The following SYTL5 variants were observed in gnomAD, a reference collection of about 807,000 sequenced individuals.
The protein encoded by SYTL5 is synaptotagmin like 5.
SYTL5 carries 34 observed loss-of-function variants against 55.9 expected under a neutral mutation model. That is an observed-to-expected ratio of 0.61 (90% CI 0.46 to 0.81). The LOEUF (loss-of-function observed/expected upper bound fraction) is 0.81. SYTL5 is among the 30% of genes least tolerant of loss of function. The pLI, the probability that SYTL5 is intolerant of heterozygous loss-of-function variation, is 0.00. For missense variants in SYTL5, 637 were observed against 546.7 expected, an observed-to-expected ratio of 1.17 and a Z score of -1.65; for synonymous variants, 221 against 188.7, an observed-to-expected ratio of 1.17 and a Z score of -1.40.
At chrX:38,079,574 A>T (rs1936475256) in intron 6 of SYTL5, among the ~76,000 whole-genome samples, 2 of 112,526 alleles carry the variant, frequency 1.8e-5, no homozygotes, top group Admixed American at 1.9e-4. Flanking sequence ...GATTTACAAG[A>T]TCTCTAACTT....
the SYTL5 span, among the ~76,000 whole-genome samples, chrX:37,918,933 G>A: frequency 2.0e-5 from 2 of 99,219 alleles, no homozygotes; most frequent in South Asian, 8.8e-4. Context: ...AGGGAGTCTG[G>A]AAAGTGTGAG....
At chrX:38,065,835 C>T (rs1206069261) in intron 3 of SYTL5, among the ~76,000 whole-genome samples, 15 of 111,618 alleles carry the variant, frequency 1.3e-4, no homozygotes, top group Admixed American at 9.5e-5. Flanking sequence ...CGTGGTGGCT[C>T]ACACCTGTAA....
the SYTL5 span, among the ~76,000 whole-genome samples, chrX:37,923,678 A>G: frequency 9.2e-6 from 1 of 108,959 alleles, no homozygotes; most frequent in Non-Finnish European, 1.9e-5. Flanking sequence ...TTGTGTTAGA[A>G]AAACATCACT....
rs1172052985 is a variant in SYTL5 at position 38,125,575 on chromosome X, T to A, written c.2050+69T>A. On this transcript the variant is annotated intron_variant, in intron 16 of 16. Transcript: ENST00000297875. ...CAGGTGGGGGCGCTATTCTTGCAGATGTGATGTGCAGTGGATGTATATATA... is the reference window on the plus strand; with the variant it reads ...CAGGTGGGGGCGCTATTCTTGCAGAAGTGATGTGCAGTGGATGTATATATA... 3 of 840,155 alleles carry A rather than the reference T, an allele frequency of 3.6e-6. No homozygotes were observed. The African/African-American group carries it at 6.0e-5, about 17-fold the overall frequency. The allele number at this position is 840,155 out of a possible 1,213,427, so 69.2% of individuals were successfully genotyped here.
chrX:37,971,063 CT>C, the SYTL5 span, among the ~76,000 whole-genome samples: 1 of 111,921 alleles, frequency 8.9e-6, no homozygotes, highest in African/African-American at 3.2e-5. Flanking sequence ...ACTAGTCTTC[CT>C]TTTTTTCTAA....
the SYTL5 span, among the ~76,000 whole-genome samples, chrX:37,938,080 T>A: frequency 2.7e-5 from 3 of 112,413 alleles, no homozygotes; most frequent in Non-Finnish European, 5.6e-5. Flanking sequence ...ATTTCAACTT[T>A]ATTTTTACTG....
intron 10 of SYTL5, among the ~76,000 whole-genome samples, chrX:38,105,888 A>T (rs1329917775): frequency 8.9e-6 from 1 of 111,852 alleles, no homozygotes; most frequent in African/African-American, 3.3e-5. Flanking sequence ...GGACTTTTTT[A>T]AAATTTATTT....
At chrX:37,935,747 A>G in the SYTL5 span, among the ~76,000 whole-genome samples, 1 of 112,566 alleles carries the variant, frequency 8.9e-6, no homozygotes, top group Non-Finnish European at 1.9e-5. Context: ...TTAAAAAAAT[A>G]CAGTAAAAGA....
chrX:38,056,282 C>T (rs1212374107), intron 3 of SYTL5, among the ~76,000 whole-genome samples: 3 of 112,089 alleles, frequency 2.7e-5, no homozygotes, highest in Non-Finnish European at 5.6e-5. Context: ...CACGTTGTTG[C>T]AAATGAGTGG....
the SYTL5 span, among the ~76,000 whole-genome samples, chrX:37,958,208 CAA>C: frequency 2.9e-5 from 2 of 67,950 alleles, no homozygotes; most frequent in Admixed American, 1.7e-4. Context: ...GACTCCATCT[CAA>C]AAAAAAAAAA....
the SYTL5 span, among the ~76,000 whole-genome samples, chrX:37,939,268 A>G: frequency 2.7e-5 from 3 of 110,232 alleles, no homozygotes; most frequent in African/African-American, 9.9e-5. Flanking sequence ...TAAAAAAAAA[A>G]GAAAAAAAAA....
At chrX:38,099,355 G>A (rs1158524400) in intron 9 of SYTL5, among the ~76,000 whole-genome samples, 1 of 111,023 alleles carries the variant, frequency 9.0e-6, no homozygotes, top group East Asian at 2.8e-4. Flanking sequence ...TGACTACTGG[G>A]TAATTGTATA....
At chrX:38,032,212 A>C (rs1934972971) in intron 1 of SYTL5, among the ~76,000 whole-genome samples, 1 of 111,636 alleles carries the variant, frequency 9.0e-6, no homozygotes, top group South Asian at 3.8e-4. Flanking sequence ...TTGCAGGTAA[A>C]TTGTAGTTCA....
chrX:38,007,521 A>G (rs2208107), intron 1 of SYTL5, among the ~76,000 whole-genome samples: 1 of 111,687 alleles, frequency 9.0e-6, no homozygotes, highest in African/African-American at 3.3e-5. Flanking sequence ...TATTTATAGC[A>G]TTCAAAATAG....
intron 2 of SYTL5, among the ~76,000 whole-genome samples, chrX:38,050,330 T>A (rs770792400): frequency 1.9e-4 from 21 of 111,946 alleles, no homozygotes; most frequent in Non-Finnish European, 3.0e-4. Context: ...TATGTGATGA[T>A]AAAGCAAAAA....
At chrX:37,905,765 C>A in the SYTL5 span, among the ~76,000 whole-genome samples, 1 of 112,682 alleles carries the variant, frequency 8.9e-6, no homozygotes, top group Non-Finnish European at 1.9e-5. Flanking sequence ...CCTGGGGTGG[C>A]GGGGAGCCGA....
At chrX:37,897,207 G>A in the SYTL5 span, among the ~76,000 whole-genome samples, 2 of 111,356 alleles carry the variant, frequency 1.8e-5, no homozygotes, top group African/African-American at 3.3e-5. Flanking sequence ...GCAGAGGGCC[G>A]GGTGCGGTGG....
At chrX:38,073,762 T>C (rs1222026933) in intron 5 of SYTL5, 64 bp downstream of exon 5, 1 of 795,966 alleles carries the variant, frequency 1.3e-6, no homozygotes, top group Admixed American at 3.6e-5. Flanking sequence ...AAATGAAGAC[T>C]CCTTAATTTT....
chrX:38,115,276 A>C (rs1318608845), intron 13 of SYTL5, among the ~76,000 whole-genome samples: 1 of 102,415 alleles, frequency 9.8e-6, no homozygotes, highest in Non-Finnish European at 2.0e-5. Context: ...CGAGGTCAGG[A>C]GATCGAGACC....
Sources: allele counts gnomAD v4.1 joint callset (sites outside exome capture counted in the v4.1 genomes callset), GRCh38; gene constraint gnomAD v4.1.1; transcripts MANE v1.5; gene names NCBI Gene and HGNC (gene_info 2026-07-23, HGNC 2026-07-21).